CHSY3: variants seen among roughly 807,000 people sequenced by gnomAD.
The protein encoded by CHSY3 is chondroitin sulfate synthase 3.
A neutral mutation model predicts 67.2 loss-of-function variants in CHSY3; 35 were observed. That is an observed-to-expected ratio of 0.52 (90% CI 0.40 to 0.69). CHSY3 has a LOEUF of 0.69. Ranked by LOEUF, CHSY3 falls within the 30% of genes least tolerant of loss-of-function variation. The pLI is 0.00. For missense variants in CHSY3, 1,069 were observed against 1,138.5 expected (o/e 0.94, Z 0.88); for synonymous variants, 474 against 434.7 (o/e 1.09, Z -1.12).
intron 2 of CHSY3, among the ~76,000 whole-genome samples, chr5:130,038,526 A>G (rs1416931103): frequency 6.6e-6 from 1 of 152,064 alleles, no homozygotes; most frequent in East Asian, 1.9e-4. Context: ...GAGATTTTGC[A>G]TGTGTAGATT....
Position 129,905,307 on chromosome 5 carries a change from G to A in CHSY3, c.478G>A (p.Gly160Arg), listed in dbSNP as rs763697824. The part of the protein sequence containing the change: ...PGSSHNGSGD[G>R]GAAAPSARPR... ...GAGTAGCCACAACGGCAGCGGGGACGGGGGCGCTGCCGCCCCGAGCGCCCG... is the reference window on the plus strand; with the variant it reads ...GAGTAGCCACAACGGCAGCGGGGACAGGGGCGCTGCCGCCCCGAGCGCCCG... The change falls in exon 1 of 3, where the codon GGG (glycine) becomes AGG (arginine). Residue 160 changes from glycine (G) to arginine (R), a missense_variant. Physicochemically the swap from Gly to Arg is moderately radical, Grantham distance 125. Coordinates refer to ENST00000305031, the MANE Select transcript of CHSY3 (RefSeq NM_175856.5). 6 of 1,502,578 alleles carry A rather than the reference G, an allele frequency of 4.0e-6. No individual in the cohort carries two copies. The highest frequency in any genetic ancestry group is 2.2e-5 in the Admixed American group (1 of 46,386). 93.1% of individuals were successfully genotyped at this position (1,502,578 alleles called of 1,614,324 possible).
intron 2 of CHSY3, among the ~76,000 whole-genome samples, chr5:130,030,804 A>C (rs1561505235): frequency 6.6e-6 from 1 of 152,004 alleles, no homozygotes; most frequent in Non-Finnish European, 1.5e-5. Context: ...AGGTTCTTAG[A>C]GTGTTTATGA....
At chr5:129,916,391 A>G (rs1189822923) in intron 2 of CHSY3, among the ~76,000 whole-genome samples, 1 of 152,240 alleles carries the variant, frequency 6.6e-6, no homozygotes, top group Non-Finnish European at 1.5e-5. Context: ...AGAGGTTCAG[A>G]GAATTCTAAA....
chr5:130,047,358 A>G (rs1394627675), intron 2 of CHSY3, among the ~76,000 whole-genome samples: 1 of 152,064 alleles, frequency 6.6e-6, no homozygotes, highest in Non-Finnish European at 1.5e-5. Context: ...ACAAAGTCCC[A>G]CATGACCTCT....
rs115613487 is a variant in CHSY3, at chr5:129,945,041, A to G, written c.1086+36681A>G. Among the ~76,000 whole-genome samples the G allele has an allele frequency of 2.5e-3, 379 of 152,292 alleles. 1 individual carries two copies. Among genetic ancestry groups the G allele is most frequent in the African/African-American group, 8.8e-3 (367 of 41,586 alleles). ...CTAAGACATCCATTATTTTCTTTTCATTTCTTTGAATTTATCTATGCAAAT... is the reference window on the plus strand; with the variant it reads ...CTAAGACATCCATTATTTTCTTTTCGTTTCTTTGAATTTATCTATGCAAAT... On this transcript the variant is annotated intron_variant, in intron 2 of 2. Transcript: ENST00000305031.
At chr5:130,117,629 G>A (rs909830804) in intron 2 of CHSY3, among the ~76,000 whole-genome samples, 3 of 151,934 alleles carry the variant, frequency 2.0e-5, no homozygotes, top group African/African-American at 7.3e-5. Context: ...CATATTTTCA[G>A]TGTGACTACA....
At chr5:129,994,254 G>A (rs562562782) in intron 2 of CHSY3, among the ~76,000 whole-genome samples, 1 of 152,186 alleles carries the variant, frequency 6.6e-6, no homozygotes, top group African/African-American at 2.4e-5. Flanking sequence ...TTTGAATGTT[G>A]ACCTGCCTTG....
chr5:130,020,438 TATATATATATATATATA>T (rs1561500260), intron 2 of CHSY3, among the ~76,000 whole-genome samples: 10 of 4,092 alleles, frequency 2.4e-3, no homozygotes, highest in African/African-American at 6.6e-3. Flanking sequence ...TATATATATA[TATATATATATATATATA>T]TATATATTTT....
intron 2 of CHSY3, among the ~76,000 whole-genome samples, chr5:129,918,091 T>C (rs973580476): frequency 3.3e-5 from 5 of 152,230 alleles, no homozygotes; most frequent in African/African-American, 1.2e-4. Context: ...CTGTTACTCG[T>C]CTATTCCAAA....
chr5:130,027,941 T>A (rs1486154873), intron 2 of CHSY3, among the ~76,000 whole-genome samples: 1 of 152,220 alleles, frequency 6.6e-6, no homozygotes, highest in East Asian at 1.9e-4. Flanking sequence ...TATGTGTGCA[T>A]GTGCTTTTAT....
intron 2 of CHSY3, among the ~76,000 whole-genome samples, chr5:129,999,497 A>T (rs1000149828): frequency 6.6e-6 from 1 of 152,122 alleles, no homozygotes; most frequent in Admixed American, 6.6e-5. Flanking sequence ...CATCCTAAGA[A>T]ATGCAATGAT....
chr5:130,024,073 G>A (rs567840367), intron 2 of CHSY3, among the ~76,000 whole-genome samples: 2 of 144,910 alleles, frequency 1.4e-5, no homozygotes, highest in African/African-American at 5.2e-5. Context: ...CTTCTTCTGG[G>A]TAGTACTTAT....
At chr5:130,107,784 C>T (rs1767457801) in intron 2 of CHSY3, among the ~76,000 whole-genome samples, 1 of 151,510 alleles carries the variant, frequency 6.6e-6, no homozygotes, top group Non-Finnish European at 1.5e-5. Flanking sequence ...TTATTGGTAT[C>T]ATGCCTGCAA....
chr5:130,093,286 G>A (rs937596987), intron 2 of CHSY3, among the ~76,000 whole-genome samples: 1 of 152,156 alleles, frequency 6.6e-6, no homozygotes, highest in African/African-American at 2.4e-5. Flanking sequence ...GATAGATCAT[G>A]TCTTGTTGTT....
chr5:130,044,839 G>A (rs1044809835), intron 2 of CHSY3, among the ~76,000 whole-genome samples: 1 of 152,006 alleles, frequency 6.6e-6, no homozygotes, highest in African/African-American at 2.4e-5. Flanking sequence ...GTCATTCCCC[G>A]GATGCTGATG....
chr5:130,127,388 A>C (rs997820102), intron 2 of CHSY3, among the ~76,000 whole-genome samples: 3 of 152,180 alleles, frequency 2.0e-5, no homozygotes, highest in African/African-American at 7.2e-5. Context: ...CTGAAGAAAA[A>C]GGAAAGGAGA....
chr5:129,940,638 A>C (rs1305786095), intron 2 of CHSY3, among the ~76,000 whole-genome samples: 3 of 152,052 alleles, frequency 2.0e-5, no homozygotes, highest in Non-Finnish European at 4.4e-5. Flanking sequence ...ACTATTATAA[A>C]AAATACTGCA....
At chr5:130,009,857 AT>A (rs1307596242) in intron 2 of CHSY3, among the ~76,000 whole-genome samples, 1 of 152,182 alleles carries the variant, frequency 6.6e-6, no homozygotes, top group African/African-American at 2.4e-5. Flanking sequence ...GACAAAACAG[AT>A]TTCAAACCAA....
At chr5:129,967,564 C>T (rs568347541) in intron 2 of CHSY3, among the ~76,000 whole-genome samples, 1 of 151,872 alleles carries the variant, frequency 6.6e-6, no homozygotes, top group South Asian at 2.1e-4. Context: ...CTGTGAAAGC[C>T]AAATGTGATC....
Sources: allele counts gnomAD v4.1 joint callset (sites outside exome capture counted in the v4.1 genomes callset), GRCh38; gene constraint gnomAD v4.1.1; transcripts MANE v1.5; gene names NCBI Gene and HGNC (gene_info 2026-07-23, HGNC 2026-07-21).